AGBL4: variants seen among roughly 807,000 people sequenced by gnomAD.
AGBL4 encodes AGBL carboxypeptidase 4.
Under a neutral mutation model 66.4 loss-of-function variants are expected in AGBL4, and 58 were observed. The ratio of observed to expected loss-of-function variants is 0.87; its 90% CI spans 0.71 to 1.09. AGBL4 has a LOEUF of 1.09. Ranked by LOEUF, AGBL4 falls within the 50% of genes least tolerant of loss-of-function variation. AGBL4 has a pLI of 0.00. For missense variants in AGBL4, 579 were observed against 631.0 expected (o/e 0.92, Z 0.88); for synonymous variants, 234 against 222.9 (o/e 1.05, Z -0.44).
At chr1:49,686,938 T>G (rs1321483129) in intron 3 of AGBL4, among the ~76,000 whole-genome samples, 1 of 152,134 alleles carries the variant, frequency 6.6e-6, no homozygotes, top group African/African-American at 2.4e-5. Flanking sequence ...AATGTTAGAA[T>G]GGCATTACAG....
chr1:48,633,261 C>T (rs765101438), intron 9 of AGBL4, among the ~76,000 whole-genome samples: 7 of 152,164 alleles, frequency 4.6e-5, no homozygotes, highest in Middle Eastern at 3.2e-3. Flanking sequence ...TCTAATATAT[C>T]GCATTTGTTT....
At chr1:48,959,575 C>G (rs1317602586) in intron 5 of AGBL4, among the ~76,000 whole-genome samples, 1 of 152,104 alleles carries the variant, frequency 6.6e-6, no homozygotes, top group African/African-American at 2.4e-5. Flanking sequence ...GGTCAAGCCC[C>G]TAAAGGATCT....
rs560528412 is a variant in AGBL4 at position 48,618,829 on chromosome 1, G to A, written c.951+15664C>T. Among the ~76,000 whole-genome samples the A allele has an allele frequency of 8.1e-4, 123 of 152,228 alleles. 1 individual carries two copies. Among genetic ancestry groups the A allele is most frequent in the African/African-American group, 2.6e-3 (106 of 41,514 alleles). ...AACCAACGTTTCTTACAGTGGTCGGGGGAGGAGTGGGGTGCCCAAGGTAAT... is the reference window on the plus strand; with the variant it reads ...AACCAACGTTTCTTACAGTGGTCGGAGGAGGAGTGGGGTGCCCAAGGTAAT... On this transcript the variant is annotated intron_variant, in intron 9 of 13. Transcript: ENST00000371839.
intron 3 of AGBL4, among the ~76,000 whole-genome samples, chr1:49,606,547 T>G (rs571297955): frequency 6.6e-6 from 1 of 152,276 alleles, no homozygotes; most frequent in South Asian, 2.1e-4. Context: ...GCTGTTTCAG[T>G]CTTGAAGACT....
chr1:49,045,842 C>T lies in AGBL4; in HGVS notation c.378-42G>A, dbSNP rs1025881203. The T allele has an allele frequency of 9.5e-6, 14 of 1,480,382 alleles. 1 individual carries two copies. Among genetic ancestry groups the T allele is most frequent in the African/African-American group, 8.4e-5 (6 of 71,036 alleles). 91.7% of individuals were successfully genotyped at this position (1,480,382 alleles called of 1,614,324 possible). A position where few individuals can be genotyped will look rare whatever the true frequency, so the allele number is the denominator to read the frequency against. On this transcript the variant is annotated intron_variant, in intron 4 of 13. Transcript: ENST00000371839. ...AAGAAATTTGGGCATATGAGACATT[C>T]GTTCAAGCTTCAAAAGGTAATACAT...
At chr1:49,315,658 G>A (rs967792309) in intron 3 of AGBL4, among the ~76,000 whole-genome samples, 12 of 152,018 alleles carry the variant, frequency 7.9e-5, no homozygotes, top group Non-Finnish European at 8.8e-5. Context: ...ATTCATTTCT[G>A]ATGAGAGTGC....
At chr1:49,965,823 T>A (rs894849379) in intron 1 of AGBL4, among the ~76,000 whole-genome samples, 11 of 152,098 alleles carry the variant, frequency 7.2e-5, no homozygotes, top group African/African-American at 2.2e-4. Context: ...CTACAATAAA[T>A]AATTTTATTA....
intron 5 of AGBL4, among the ~76,000 whole-genome samples, chr1:49,011,408 T>C (rs1662395722): frequency 6.6e-6 from 1 of 152,052 alleles, no homozygotes; most frequent in African/African-American, 2.4e-5. Flanking sequence ...TGTGGAGAAA[T>C]AGGAACACTT....
intron 6 of AGBL4, among the ~76,000 whole-genome samples, chr1:48,780,101 A>G (rs1645255390): frequency 6.6e-6 from 1 of 152,092 alleles, no homozygotes; most frequent in Admixed American, 6.5e-5. Context: ...ATAGGTATAC[A>G]CATGCCATGA....
At chr1:49,719,862 C>G (rs1418775986) in intron 2 of AGBL4, among the ~76,000 whole-genome samples, 1 of 152,052 alleles carries the variant, frequency 6.6e-6, no homozygotes, top group South Asian at 2.1e-4. Flanking sequence ...CCCCCTTTTG[C>G]TCAGCATTTC....
At chr1:48,540,131 C>T (rs1239987672) in intron 11 of AGBL4, among the ~76,000 whole-genome samples, 1 of 152,114 alleles carries the variant, frequency 6.6e-6, no homozygotes, top group East Asian at 1.9e-4. Context: ...AAGCAAAAAA[C>T]CCAAGGACAA....
chr1:49,749,448 A>C (rs1651272593), intron 2 of AGBL4, among the ~76,000 whole-genome samples: 1 of 152,174 alleles, frequency 6.6e-6, no homozygotes, highest in South Asian at 2.1e-4. Context: ...AATAATACTA[A>C]AACTTTCCTT....
chr1:49,221,648 G>T (rs1649504688), intron 4 of AGBL4, among the ~76,000 whole-genome samples: 2 of 151,964 alleles, frequency 1.3e-5, no homozygotes, highest in African/African-American at 4.8e-5. Context: ...AACCTTGTGA[G>T]GAAAGTATCT....
chr1:49,769,540 C>A (rs1350467165), intron 2 of AGBL4, among the ~76,000 whole-genome samples: 1 of 152,124 alleles, frequency 6.6e-6, no homozygotes, highest in Non-Finnish European at 1.5e-5. Context: ...AGAGCCAGGG[C>A]AGAACATTAC....
chr1:49,096,715 G>A (rs1162881644), intron 4 of AGBL4, among the ~76,000 whole-genome samples: 11 of 149,558 alleles, frequency 7.4e-5, no homozygotes, highest in African/African-American at 4.9e-5. Flanking sequence ...GGGAGGGATA[G>A]CATTGGGAGA....
intron 6 of AGBL4, among the ~76,000 whole-genome samples, chr1:48,819,640 C>CAGT (rs1377857504): frequency 1.3e-5 from 2 of 152,178 alleles, no homozygotes; most frequent in African/African-American, 4.8e-5. Context: ...GCTAGACTTA[C>CAGT]AAGAGCCCCT....
At chr1:49,459,228 G>C (rs187871315) in intron 3 of AGBL4, among the ~76,000 whole-genome samples, 1 of 151,600 alleles carries the variant, frequency 6.6e-6, no homozygotes, top group Admixed American at 6.6e-5. Context: ...GAATCTATCT[G>C]GTCCTGAACT....
rs375627163 is a variant in AGBL4 at position 49,146,782 on chromosome 1, T to C, written c.377+98988A>G. Reference sequence around the variant, plus strand: ...CCACACCAGGCTCCCTGTGTAGCCCTATGATTGGGCTTCAGAAAGTACCTG... The same window carrying C: ...CCACACCAGGCTCCCTGTGTAGCCCCATGATTGGGCTTCAGAAAGTACCTG... On this transcript the variant is annotated intron_variant, in intron 4 of 13. Transcript: ENST00000371839. Among the ~76,000 whole-genome samples, 53 of 152,354 alleles carry C rather than the reference T, an allele frequency of 3.5e-4. 1 individual carries two copies. The South Asian group carries it at 9.5e-3, about 27-fold the overall frequency.
At chr1:48,536,081 C>G (rs1399482141) in intron 12 of AGBL4, among the ~76,000 whole-genome samples, 1 of 152,048 alleles carries the variant, frequency 6.6e-6, no homozygotes, top group Non-Finnish European at 1.5e-5. Flanking sequence ...CAGTTAGGAG[C>G]TCAGCAGAGA....
Sources: gnomAD v4.1 joint callset for allele counts (sites outside exome capture counted in the v4.1 genomes callset) on GRCh38, gnomAD v4.1.1 for gene constraint, MANE v1.5 for transcripts, NCBI Gene and HGNC (gene_info 2026-07-23, HGNC 2026-07-21) for gene names.